Variants in LINGO2 observed in about 807,000 individuals in gnomAD.
LINGO2 encodes leucine-rich repeat and immunoglobulin-like domain-containing nogo receptor-interacting protein 2.
Under a neutral mutation model 30.6 loss-of-function variants are expected in LINGO2, and 14 were observed. The observed-to-expected ratio is 0.46, with a 90% CI of 0.30 to 0.72. The LOEUF (loss-of-function observed/expected upper bound fraction) is 0.72, where lower values mean the gene tolerates loss of function less well. Ranked by LOEUF, LINGO2 falls within the 30% of genes least tolerant of loss-of-function variation. The pLI is 0.07. For missense variants in LINGO2, 729 were observed against 751.7 expected (o/e 0.97, Z 0.35); for synonymous variants, 317 against 288.5 (o/e 1.10, Z -1.00).
chr9:28,812,737 G>T, the LINGO2 span, among the ~76,000 whole-genome samples: 17 of 152,172 alleles, frequency 1.1e-4, no homozygotes, highest in Non-Finnish European at 1.9e-4. Flanking sequence ...CAAAGTAACT[G>T]TGATTTATTT....
the LINGO2 span, among the ~76,000 whole-genome samples, chr9:28,967,376 C>T: frequency 6.6e-6 from 1 of 152,076 alleles, no homozygotes; most frequent in African/African-American, 2.4e-5. Context: ...ACTATCCTAC[C>T]ACTAGGCCAA....
the LINGO2 span, among the ~76,000 whole-genome samples, chr9:29,009,539 A>G: frequency 6.6e-6 from 1 of 152,214 alleles, no homozygotes; most frequent in Admixed American, 6.5e-5. Context: ...GAGGACACAA[A>G]CAAATGGAAG....
At chr9:28,138,181 T>C (rs193224806) in intron 4 of LINGO2, among the ~76,000 whole-genome samples, 8 of 152,328 alleles carry the variant, frequency 5.3e-5, no homozygotes, top group Admixed American at 5.2e-4. Flanking sequence ...GCTCCATCTA[T>C]CTCAAGACTC....
chr9:28,999,252 C>T, the LINGO2 span, among the ~76,000 whole-genome samples: 1 of 152,056 alleles, frequency 6.6e-6, no homozygotes, highest in African/African-American at 2.4e-5. Context: ...ATAACTCTAT[C>T]TGATCAGAGC....
At chr9:28,092,678 C>A (rs112878993) in intron 4 of LINGO2, among the ~76,000 whole-genome samples, 1,821 of 151,568 alleles carry the variant, frequency 0.012, 32 homozygotes, top group African/African-American at 0.038. Flanking sequence ...CACATGTACC[C>A]TAGAACTTAA....
chr9:29,177,098 G>A, the LINGO2 span, among the ~76,000 whole-genome samples: 2 of 152,278 alleles, frequency 1.3e-5, no homozygotes, highest in Admixed American at 1.3e-4. Flanking sequence ...AGGTCAGCAA[G>A]TCTTAGTTCT....
At chr9:29,024,969 A>C in the LINGO2 span, among the ~76,000 whole-genome samples, 1 of 152,106 alleles carries the variant, frequency 6.6e-6, no homozygotes, top group Non-Finnish European at 1.5e-5. Context: ...AAACCATACG[A>C]TGGCTTATAT....
At chr9:29,102,979 G>A in the LINGO2 span, among the ~76,000 whole-genome samples, 1 of 151,966 alleles carries the variant, frequency 6.6e-6, no homozygotes, top group Non-Finnish European at 1.5e-5. Flanking sequence ...ACAAGCTGAA[G>A]ATGGAAATGA....
the LINGO2 span, among the ~76,000 whole-genome samples, chr9:28,802,289 C>G: frequency 6.6e-6 from 1 of 151,880 alleles, no homozygotes; most frequent in African/African-American, 2.4e-5. Flanking sequence ...AATTTAAAAT[C>G]TAGACAGTTC....
chr9:28,879,797 C>T, the LINGO2 span, among the ~76,000 whole-genome samples: 1 of 151,908 alleles, frequency 6.6e-6, no homozygotes, highest in Non-Finnish European at 1.5e-5. Context: ...TTGGGAATTT[C>T]TGAGGAAAAT....
chr9:28,855,897 G>A, the LINGO2 span, among the ~76,000 whole-genome samples: 2 of 152,018 alleles, frequency 1.3e-5, no homozygotes, highest in African/African-American at 4.8e-5. Flanking sequence ...CTTGCCTAGG[G>A]CAATATTCAG....
At chr9:28,689,392 C>CA in the LINGO2 span, among the ~76,000 whole-genome samples, 1 of 151,638 alleles carries the variant, frequency 6.6e-6, no homozygotes, top group Non-Finnish European at 1.5e-5. Flanking sequence ...AACAAGTGGG[C>CA]AAAGGACATG....
At chr9:28,390,664 C>T (rs1483208573) in intron 2 of LINGO2, among the ~76,000 whole-genome samples, 2 of 152,102 alleles carry the variant, frequency 1.3e-5, no homozygotes, top group East Asian at 3.9e-4. Flanking sequence ...ATCTCCTAAA[C>T]CTTCCTGTGC....
intron 4 of LINGO2, among the ~76,000 whole-genome samples, chr9:28,070,104 G>C (rs73643292): frequency 2.6e-3 from 399 of 152,210 alleles, no homozygotes; most frequent in African/African-American, 9.2e-3. Context: ...CCTAAACCTG[G>C]AGAGATACTC....
chr9:28,119,573 T>C (rs1045075041), intron 4 of LINGO2, among the ~76,000 whole-genome samples: 26 of 152,186 alleles, frequency 1.7e-4, no homozygotes, highest in Non-Finnish European at 2.9e-4. Context: ...TGGCACAAAG[T>C]AAACATTCAG....
At chr9:28,761,836 T>C in the LINGO2 span, among the ~76,000 whole-genome samples, 1 of 151,948 alleles carries the variant, frequency 6.6e-6, no homozygotes, top group Non-Finnish European at 1.5e-5. Flanking sequence ...TGATGTCAAG[T>C]CCTCTTACAT....
chr9:28,137,817 ATT>A (rs1827561689), intron 4 of LINGO2, among the ~76,000 whole-genome samples: 1 of 152,122 alleles, frequency 6.6e-6, no homozygotes, highest in Non-Finnish European at 1.5e-5. Flanking sequence ...TTAAACATGT[ATT>A]TTGGTATACC....
chr9:29,203,085 C>T, the LINGO2 span, among the ~76,000 whole-genome samples: 44 of 152,124 alleles, frequency 2.9e-4, no homozygotes, highest in Non-Finnish European at 3.7e-4. Context: ...TATATATATG[C>T]AAATGCTTCC....
At chr9:28,033,155 C>T (rs963403445) in intron 4 of LINGO2, among the ~76,000 whole-genome samples, 1 of 152,202 alleles carries the variant, frequency 6.6e-6, no homozygotes, top group Non-Finnish European at 1.5e-5. Context: ...TGAATTGTGC[C>T]TTCCATTCCC....
Sources: allele counts gnomAD v4.1 joint callset (sites outside exome capture counted in the v4.1 genomes callset), GRCh38; gene constraint gnomAD v4.1.1; transcripts MANE v1.5; gene names NCBI Gene and HGNC (gene_info 2026-07-23, HGNC 2026-07-21).